PRKG1: variants seen among roughly 807,000 people sequenced by gnomAD.
PRKG1 encodes the protein protein kinase cGMP-dependent 1.
A neutral mutation model predicts 88.1 loss-of-function variants in PRKG1; 35 were observed. The ratio of observed to expected loss-of-function variants is 0.40; its 90% CI spans 0.30 to 0.53. PRKG1 has a LOEUF of 0.53. Among genes scored for constraint, PRKG1 ranks in the 20% least tolerant of loss-of-function variants. The pLI is 0.59. For missense variants in PRKG1, 540 were observed against 839.8 expected (o/e 0.64, Z 4.41); for synonymous variants, 303 against 292.5 (o/e 1.04, Z -0.37).
intron 7 of PRKG1, among the ~76,000 whole-genome samples, chr10:52,063,289 C>T (rs1846280969): frequency 6.6e-6 from 1 of 152,216 alleles, no homozygotes; most frequent in Non-Finnish European, 1.5e-5. Context: ...GCTCCAGGTG[C>T]TGGCATGGGA....
intron 1 of PRKG1, among the ~76,000 whole-genome samples, chr10:51,010,491 C>G (rs566897150): frequency 1.5e-4 from 23 of 152,294 alleles, no homozygotes; most frequent in African/African-American, 5.5e-4. Flanking sequence ...CATCTGCACA[C>G]ATAATTGTGT....
At chr10:51,359,389 T>G (rs890188704) in intron 2 of PRKG1, among the ~76,000 whole-genome samples, 1 of 151,810 alleles carries the variant, frequency 6.6e-6, no homozygotes, top group East Asian at 1.9e-4. Flanking sequence ...ATACATAGAT[T>G]ACCTGTATTC....
intron 4 of PRKG1, among the ~76,000 whole-genome samples, chr10:51,814,382 A>C (rs1431968811): frequency 6.6e-6 from 1 of 152,204 alleles, no homozygotes; most frequent in African/African-American, 2.4e-5. Flanking sequence ...ATTTACAAAA[A>C]GAGATGGGAA....
At chr10:51,317,936 C>T (rs1841364572) in intron 2 of PRKG1, among the ~76,000 whole-genome samples, 1 of 152,178 alleles carries the variant, frequency 6.6e-6, no homozygotes, top group Non-Finnish European at 1.5e-5. Flanking sequence ...TTTCTTCTTT[C>T]CTAACCATTC....
At chr10:51,292,438 G>T (rs1054247014) in intron 2 of PRKG1, among the ~76,000 whole-genome samples, 1 of 152,096 alleles carries the variant, frequency 6.6e-6, no homozygotes, top group African/African-American at 2.4e-5. Flanking sequence ...AAGAAAGGAC[G>T]TATTTTCTAC....
At chr10:51,697,487 T>TA (rs1350049435) in intron 3 of PRKG1, 2 of 574,178 alleles carry the variant, frequency 3.5e-6, no homozygotes, top group Non-Finnish European at 6.1e-6. Flanking sequence ...TAAAGTAACT[T>TA]AAAGTGAACA....
intron 7 of PRKG1, 30 bp downstream of exon 7, chr10:52,062,661 TG>T: frequency 6.6e-7 from 1 of 1,509,958 alleles, no homozygotes; most frequent in East Asian, 2.3e-5. Flanking sequence ...TACAGGTTTT[TG>T]TTTGAGTGCT....
At chr10:52,193,074 C>A (rs963304695) in intron 9 of PRKG1, among the ~76,000 whole-genome samples, 1 of 152,044 alleles carries the variant, frequency 6.6e-6, no homozygotes, top group African/African-American at 2.4e-5. Context: ...CCTAGAGCAA[C>A]AAAGGCTCTA....
intron 4 of PRKG1, among the ~76,000 whole-genome samples, chr10:51,895,195 A>G (rs796954622): frequency 7.9e-5 from 12 of 152,324 alleles, no homozygotes; most frequent in African/African-American, 2.6e-4. Flanking sequence ...TAAGGCTTAC[A>G]TAGAGAAGGG....
At chr10:52,247,449 G>A (rs1445134930) in intron 9 of PRKG1, among the ~76,000 whole-genome samples, 2 of 152,024 alleles carry the variant, frequency 1.3e-5, no homozygotes, top group Non-Finnish European at 2.9e-5. Flanking sequence ...ATCTCCTCAG[G>A]CAAAAGAAGG....
chr10:51,533,434 C>A (rs1343264780), intron 3 of PRKG1, among the ~76,000 whole-genome samples: 1 of 152,118 alleles, frequency 6.6e-6, no homozygotes, highest in African/African-American at 2.4e-5. Context: ...AAGTCCCTGA[C>A]CCTCAAGCAT....
intron 1 of PRKG1, among the ~76,000 whole-genome samples, chr10:51,086,393 AG>A (rs2131857366): frequency 6.6e-6 from 1 of 152,342 alleles, no homozygotes; most frequent in South Asian, 2.1e-4. Flanking sequence ...AAAAGGGTGT[AG>A]CCCATGTCCT....
chr10:51,781,989 G>C lies in PRKG1; in HGVS notation c.593-22596G>C, dbSNP rs542350801. Reference sequence around the variant, plus strand: ...ATTGCCTTAGATGTTAAAAAAAAAAGTATCGAAATCTGAAGGGGCAAGGTT... The same window carrying C: ...ATTGCCTTAGATGTTAAAAAAAAAACTATCGAAATCTGAAGGGGCAAGGTT... On this transcript the variant is annotated intron_variant, in intron 3 of 17. Coordinates refer to ENST00000373980, the MANE Select transcript of PRKG1 (RefSeq NM_006258.4). Among the ~76,000 whole-genome samples, 28 of 150,732 alleles carry C rather than the reference G, an allele frequency of 1.9e-4. No individual in the cohort carries two copies. In the South Asian group the frequency reaches 5.7e-3, roughly 31 times the overall value.
chr10:51,371,199 G>A (rs1209486), intron 2 of PRKG1, among the ~76,000 whole-genome samples: 67,202 of 151,796 alleles, frequency 0.44, 15,229 homozygotes, highest in Middle Eastern at 0.55. Context: ...GGTGACCTTA[G>A]GCAAGCCATT....
At chr10:52,005,017 G>A (rs916067369) in intron 5 of PRKG1, among the ~76,000 whole-genome samples, 7 of 152,048 alleles carry the variant, frequency 4.6e-5, no homozygotes, top group African/African-American at 1.7e-4. Flanking sequence ...CTTCCTTTCA[G>A]TTATAGTTTT....
chr10:51,118,497 G>A (rs990658529), intron 1 of PRKG1, among the ~76,000 whole-genome samples: 2 of 152,042 alleles, frequency 1.3e-5, no homozygotes, highest in Non-Finnish European at 2.9e-5. Flanking sequence ...TAATAACTCT[G>A]TTTATTATCA....
intron 2 of PRKG1, among the ~76,000 whole-genome samples, chr10:51,307,894 T>A (rs1231039540): frequency 6.6e-6 from 1 of 152,194 alleles, no homozygotes; most frequent in African/African-American, 2.4e-5. Flanking sequence ...GAAAGTCTAT[T>A]TTATCTCATT....
chr10:51,019,887 A>G (rs576497515), intron 1 of PRKG1, among the ~76,000 whole-genome samples: 7 of 152,280 alleles, frequency 4.6e-5, no homozygotes, highest in South Asian at 2.1e-4. Flanking sequence ...ACCAATAAGC[A>G]TATAAAAAAT....
At chr10:52,092,340 T>C (rs902192786) in intron 7 of PRKG1, among the ~76,000 whole-genome samples, 22 of 152,168 alleles carry the variant, frequency 1.4e-4, no homozygotes, top group Non-Finnish European at 2.4e-4. Context: ...TTGTTATATT[T>C]GTAGTGTAGG....
Sources: gnomAD v4.1 joint callset for allele counts (sites outside exome capture counted in the v4.1 genomes callset) on GRCh38, gnomAD v4.1.1 for gene constraint, MANE v1.5 for transcripts, NCBI Gene and HGNC (gene_info 2026-07-23, HGNC 2026-07-21) for gene names.